The following GRID2IP variants were observed in gnomAD, a reference collection of about 807,000 sequenced individuals.
The protein encoded by GRID2IP is delphilin.
In GRID2IP, 78 loss-of-function variants were observed where a neutral mutation model predicts 114.3. The ratio of observed to expected loss-of-function variants is 0.68; its 90% confidence interval spans 0.57 to 0.82. The LOEUF (loss-of-function observed/expected upper bound fraction) is 0.82. Among genes scored for constraint, GRID2IP ranks in the 40% least tolerant of loss-of-function variants. The pLI is 0.00. For synonymous variants in GRID2IP, 809 were observed against 724.0 expected (o/e 1.12, Z -1.89); for missense variants, 1,727 against 1,678.5 (o/e 1.03, Z -0.51).
chr7:6,498,290 G>A, intron 20 of GRID2IP, 62 bp from the exon 21 acceptor site: 4 of 1,448,138 alleles, frequency 2.8e-6, no homozygotes, highest in Non-Finnish European at 3.7e-6. Flanking sequence ...TCAGGTGGTG[G>A]CCCGACAGAC....
At chr7:6,529,931 C>T (rs1446522444) in intron 2 of GRID2IP, among the ~76,000 whole-genome samples, 1 of 151,338 alleles carries the variant, frequency 6.6e-6, no homozygotes, top group Non-Finnish European at 1.5e-5. Context: ...TCCTCTCTCC[C>T]CACCCAGCTT....
Position 6,508,939 on chromosome 7 carries a change from C to G in GRID2IP, c.2127+19G>C. ...ACCTCGCCTCACCCGCCTCCCTCCACACCTGCTTGCGTGCCCACCTCCTCG... is the reference window on the plus strand; with the variant it reads ...ACCTCGCCTCACCCGCCTCCCTCCAGACCTGCTTGCGTGCCCACCTCCTCG... On this transcript the variant is annotated intron_variant, in intron 12 of 21. Transcript: ENST00000457091. This position sits in a 1 kb window ranked among gnomAD's most constrained non-coding sequence, Gnocchi z 5.6. 1.3e-6 allele frequency: 2 copies of G among 1,541,092 alleles called. No homozygotes were observed. Among genetic ancestry groups the G allele is most frequent in the Non-Finnish European group, 1.7e-6 (2 of 1,145,248 alleles).
intron 2 of GRID2IP, among the ~76,000 whole-genome samples, chr7:6,529,869 C>G (rs1275668325): frequency 1.3e-5 from 2 of 152,056 alleles, no homozygotes; most frequent in African/African-American, 4.8e-5. Context: ...TTCTCTCTGC[C>G]AGAGTCAGGT....
chr7:6,501,103 C>T (rs1382959563), intron 20 of GRID2IP, among the ~76,000 whole-genome samples: 2 of 152,222 alleles, frequency 1.3e-5, no homozygotes, highest in Non-Finnish European at 2.9e-5. Context: ...ATAATCCCAG[C>T]ACTTTGAGAG....
In GRID2IP at chr7:6,519,424, T is replaced by C. The variant is rs1203342208; in HGVS notation, c.1268+1154A>G. 1.3e-5 allele frequency among the ~76,000 whole-genome samples: 2 copies of C among 152,132 alleles called. No individual in the cohort carries two copies. The highest frequency in any genetic ancestry group is 1.9e-4 in the East Asian group (1 of 5,194). The stretch of plus-strand genomic sequence containing the variant: ...TGAGCCCAAGAGTTCGAGACCAGCC[T>C]GGGTAACATAGTGAGACCTCCCCAT... On this transcript the variant is annotated intron_variant, in intron 7 of 21. Coordinates refer to ENST00000457091, the MANE Select transcript of GRID2IP (RefSeq NM_001145118.2). The surrounding 1 kb of genome is among the most constrained non-coding windows in gnomAD (Gnocchi z 4.1).
Position 6,508,396 on chromosome 7 carries a change from G to C in GRID2IP, c.2133C>G (p.Ser711Arg). The C allele has an allele frequency of 1.3e-6, 2 of 1,551,322 alleles. No homozygotes were observed. The highest frequency in any genetic ancestry group is 1.7e-6 in the Non-Finnish European group (2 of 1,147,040). ...LTPENDYEEM[S>R]FHDDQGSFVT... is the part of the protein sequence containing the mutation. ...CGAAGCTGCCCTGGTCATCATGGAA[G>C]CTCATCTGGTGGTGGGGAGAGAGGC... is the stretch of plus-strand genomic sequence containing the variant. The change falls in exon 13 of 22, where the codon AGC becomes AGG. Residue 711 changes from serine to arginine, a missense_variant. Transcript: ENST00000457091. This position sits in a 1 kb window ranked among gnomAD's most constrained non-coding sequence, Gnocchi z 5.6.
chr7:6,538,439 C>T (rs192682836), intron 2 of GRID2IP, among the ~76,000 whole-genome samples: 5 of 151,474 alleles, frequency 3.3e-5, no homozygotes, highest in Admixed American at 3.3e-4. Flanking sequence ...CAGTGGCTCA[C>T]GCCTATAATC....
rs776890095 is a variant in GRID2IP, at chr7:6,498,193, C to T, written c.3435G>A (p.Ala1145=). ...TGGCCTCGCGCTGCAGCCCGTCGAGCGCCCGAAGTGCTGGCTGGGCCGTCT... is the reference window on the plus strand; with the variant it reads ...TGGCCTCGCGCTGCAGCCCGTCGAGTGCCCGAAGTGCTGGCTGGGCCGTCT... ...FLETAQPALR[A]LDGLQREAME... is the part of the protein sequence containing the mutation. Residue 1145 remains alanine, a synonymous_variant, in exon 21 of 22, where the codon GCG becomes GCA. Coordinates refer to ENST00000457091, the MANE Select transcript of GRID2IP (RefSeq NM_001145118.2). The T allele has an allele frequency of 3.3e-5, 51 of 1,548,746 alleles. No homozygotes were observed. Among genetic ancestry groups the T allele is most frequent in the Non-Finnish European group, 4.0e-5 (46 of 1,146,190 alleles).
chr7:6,508,215 G>A lies in GRID2IP; in HGVS notation c.2314C>T (p.Arg772Cys), dbSNP rs750749443. The part of the protein sequence containing the change: ...LPFHDAKPSS[R>C]SSDGSRGPAQ... ...GGGCCCCGGGAACCATCAGAGCTGC[G>A]GGAGCTGGGCTTAGCGTCATGGAAA... Residue 772 changes from arginine (R) to cysteine (C), a missense_variant, in exon 13 of 22, where the codon CGC becomes TGC. Coordinates refer to ENST00000457091, the MANE Select transcript of GRID2IP (RefSeq NM_001145118.2). The surrounding 1 kb of genome is among the most constrained non-coding windows in gnomAD (Gnocchi z 5.6). 3.5e-5 allele frequency: 54 copies of A among 1,522,776 alleles called. No homozygotes were observed. The highest frequency in any genetic ancestry group is 1.1e-4 in the South Asian group (9 of 78,956). 94.3% of individuals were successfully genotyped at this position (1,522,776 alleles called of 1,614,324 possible). A position where few individuals can be genotyped will look rare whatever the true frequency, so the allele number is the denominator to read the frequency against.
rs1779420405 is a variant in GRID2IP at position 6,521,934 on chromosome 7, G to A, written c.943C>T (p.Leu315Phe). 1.3e-6 allele frequency: 2 copies of A among 1,551,350 alleles called. No homozygotes were observed. Among genetic ancestry groups the A allele is most frequent in the Non-Finnish European group, 8.7e-7 (1 of 1,146,856 alleles). ...AAGAGGATCCGGTCACCTGACTTGA[G>A]GGCAGCATTGTCAGCTGGGCTCCCT... ...LPGSPADNAA[L>F]KSGDRILFLN... is the part of the protein sequence containing the mutation. The change falls in exon 5 of 22, where the codon CTC becomes TTC. Residue 315 changes from leucine to phenylalanine, a missense_variant. Transcript: ENST00000457091. The surrounding 1 kb of genome is among the most constrained non-coding windows in gnomAD (Gnocchi z 4.1).
chr7:6,539,916 G>C (rs1002381278), intron 1 of GRID2IP, 44 bp from the exon 2 acceptor site: 1 of 1,518,810 alleles, frequency 6.6e-7, no homozygotes, highest in Non-Finnish European at 8.9e-7. Context: ...GATCCAGAGT[G>C]GAACCCTGGA....
intron 2 of GRID2IP, among the ~76,000 whole-genome samples, chr7:6,533,650 C>CA (rs1349896470): frequency 2.6e-5 from 4 of 151,696 alleles, no homozygotes; most frequent in African/African-American, 9.7e-5. Context: ...AGGCAGGCAC[C>CA]ACTGCCCCCA....
intron 4 of GRID2IP, among the ~76,000 whole-genome samples, chr7:6,525,128 A>G (rs1457846281): frequency 6.6e-6 from 1 of 151,938 alleles, no homozygotes; most frequent in Non-Finnish European, 1.5e-5. Flanking sequence ...AACATGACGA[A>G]GCCCCATCTC....
chr7:6,503,306 G>A (rs1328830290), intron 16 of GRID2IP, 143 bp from the exon 17 acceptor site: 3 of 1,061,868 alleles, frequency 2.8e-6, no homozygotes, highest in South Asian at 3.3e-5. Flanking sequence ...ATCCCTGGGG[G>A]AGCCCGCCTC....
chr7:6,503,285 G>A, intron 16 of GRID2IP, 122 bp from the exon 17 acceptor site: 1 of 1,132,586 alleles, frequency 8.8e-7, no homozygotes, highest in Non-Finnish European at 1.2e-6. Flanking sequence ...CCGGTAGGAA[G>A]AATAAGCACG....
intron 7 of GRID2IP, among the ~76,000 whole-genome samples, chr7:6,517,168 C>T (rs1583342522): frequency 6.6e-6 from 1 of 152,012 alleles, no homozygotes; most frequent in East Asian, 1.9e-4. Flanking sequence ...CATTCTCCTG[C>T]CTCAGCCTCC....
chr7:6,539,747 C>T lies in GRID2IP; in HGVS notation c.555G>A (p.Glu185=), dbSNP rs770489756. ...GGTTGTCCAGGAGTGGCCCGCAGGC[C>T]TCTCGGGGCAGCGCCAGGGTGAGAG... ...VWTLTLALPR[E]ACGPLLDNLR... Residue 185 remains glutamate (E), a synonymous_variant, in exon 2 of 22, where the codon GAG becomes GAA. Transcript: ENST00000457091. The T allele has an allele frequency of 4.3e-5, 67 of 1,549,724 alleles. 2 individuals are homozygous for T. Among genetic ancestry groups the T allele is most frequent in the South Asian group, 1.4e-4 (12 of 83,970 alleles).
chr7:6,510,120 G>A (rs1249755560), intron 11 of GRID2IP, among the ~76,000 whole-genome samples, 163 bp downstream of exon 11: 1 of 152,128 alleles, frequency 6.6e-6, no homozygotes, highest in East Asian at 1.9e-4. Flanking sequence ...ACGACCCACG[G>A]TACCCAGGCT....
At chr7:6,530,021 C>A (rs944884482) in intron 2 of GRID2IP, among the ~76,000 whole-genome samples, 2 of 149,222 alleles carry the variant, frequency 1.3e-5, no homozygotes, top group African/African-American at 5.0e-5. Flanking sequence ...TGCAGTGGTG[C>A]GATCTCCGCT....
Sources: gnomAD v4.1 joint callset for allele counts (sites outside exome capture counted in the v4.1 genomes callset) on GRCh38, gnomAD v4.1.1 for gene constraint, Gnocchi (gnomAD v3.1) non-coding constraint, MANE v1.5 for transcripts, NCBI Gene and HGNC (gene_info 2026-07-23, HGNC 2026-07-21) for gene names.